FGF12: variants seen among roughly 807,000 people sequenced by gnomAD.
The protein encoded by FGF12 is fibroblast growth factor 12B.
In FGF12, 14 loss-of-function variants were observed where a neutral mutation model predicts 23.6. The ratio of observed to expected loss-of-function variants is 0.59; its 90% CI spans 0.39 to 0.93. FGF12 has a LOEUF of 0.93. FGF12 is among the 40% of genes least tolerant of loss of function. FGF12 has a pLI of 0.00. For synonymous variants in FGF12, 62 were observed against 77.3 expected (o/e 0.80, Z 1.04); for missense variants, 175 against 217.8 (o/e 0.80, Z 1.24).
intron 2 of FGF12, among the ~76,000 whole-genome samples, chr3:192,510,664 A>G (rs2108839204): frequency 6.6e-6 from 1 of 152,346 alleles, no homozygotes; most frequent in South Asian, 2.1e-4. Flanking sequence ...AAAAACATGC[A>G]CAAGGATGTT....
intron 2 of FGF12, among the ~76,000 whole-genome samples, chr3:192,549,120 T>G (rs373248984): frequency 1.5e-4 from 23 of 152,176 alleles, no homozygotes; most frequent in African/African-American, 5.3e-4. Context: ...AATCTGGATT[T>G]TTAAAAATGC....
intron 4 of FGF12, among the ~76,000 whole-genome samples, chr3:192,279,275 A>C (rs1577313927): frequency 7.2e-6 from 1 of 138,120 alleles, no homozygotes; most frequent in Middle Eastern, 3.6e-3. Flanking sequence ...TCCCATAGAG[A>C]ACTTTATTTA....
intron 2 of FGF12, among the ~76,000 whole-genome samples, chr3:192,723,860 T>TGAGAGA (rs201705134): frequency 9.0e-4 from 107 of 119,116 alleles, no homozygotes; most frequent in Middle Eastern, 4.2e-3. Flanking sequence ...TGTGTGTGTG[T>TGAGAGA]GTGAGAGAGA....
chr3:192,474,706 T>C (rs1723268245), intron 2 of FGF12, among the ~76,000 whole-genome samples: 1 of 151,944 alleles, frequency 6.6e-6, no homozygotes, highest in Non-Finnish European at 1.5e-5. Context: ...GCCAACATGG[T>C]GAAACCCTGT....
At chr3:192,651,069 T>A (rs1716198506) in intron 2 of FGF12, among the ~76,000 whole-genome samples, 1 of 152,232 alleles carries the variant, frequency 6.6e-6, no homozygotes, top group Non-Finnish European at 1.5e-5. Flanking sequence ...GTCCTTTGTA[T>A]TCGTAGGCAC....
intron 4 of FGF12, among the ~76,000 whole-genome samples, chr3:192,288,268 C>A (rs555997023): frequency 1.3e-5 from 2 of 152,014 alleles, no homozygotes; most frequent in African/African-American, 2.4e-5. Context: ...ACAGCAGGAA[C>A]AAGAGTGATT....
chr3:192,395,065 T>C (rs1720461913), intron 2 of FGF12, among the ~76,000 whole-genome samples: 1 of 152,216 alleles, frequency 6.6e-6, no homozygotes, highest in African/African-American at 2.4e-5. Flanking sequence ...GCAAAGGTTA[T>C]TCCTCATTAA....
intron 3 of FGF12, among the ~76,000 whole-genome samples, chr3:192,358,340 A>G (rs1418834029): frequency 6.6e-6 from 1 of 151,404 alleles, no homozygotes; most frequent in African/African-American, 2.4e-5. Flanking sequence ...GTACACCTAA[A>G]TGATTTTAAA....
chr3:192,170,390 G>A (rs1715486582), intron 5 of FGF12, 68 bp downstream of exon 5: 4 of 1,350,676 alleles, frequency 3.0e-6, no homozygotes, highest in Admixed American at 1.8e-5. Flanking sequence ...GGACCAAAAG[G>A]GCAAGAAGCA....
intron 2 of FGF12, among the ~76,000 whole-genome samples, chr3:192,564,030 G>C (rs1712157901): frequency 7.2e-6 from 1 of 138,874 alleles, no homozygotes; most frequent in Admixed American, 6.9e-5. Flanking sequence ...ACTATGTGTA[G>C]TTTTTTGTTT....
At chr3:192,716,255 T>C (rs919679325) in intron 2 of FGF12, among the ~76,000 whole-genome samples, 1 of 152,172 alleles carries the variant, frequency 6.6e-6, no homozygotes, top group African/African-American at 2.4e-5. Flanking sequence ...GGAAAACTGG[T>C]CAGAAAGTTG....
intron 2 of FGF12, among the ~76,000 whole-genome samples, chr3:192,596,330 A>T (rs1713853831): frequency 6.6e-6 from 1 of 152,030 alleles, no homozygotes; most frequent in African/African-American, 2.4e-5. Context: ...GAAGGCAAAG[A>T]AATCCTAGTA....
At chr3:192,472,682 C>A (rs1365871664) in intron 2 of FGF12, among the ~76,000 whole-genome samples, 1 of 152,132 alleles carries the variant, frequency 6.6e-6, no homozygotes, top group African/African-American at 2.4e-5. Context: ...GAGTCATTCA[C>A]ACTCTGCTCC....
chr3:192,460,336 G>A (rs1722822995), intron 2 of FGF12, among the ~76,000 whole-genome samples: 1 of 152,126 alleles, frequency 6.6e-6, no homozygotes, highest in Admixed American at 6.6e-5. Context: ...GTAGGAAGAG[G>A]GAGTTTTTTC....
At chr3:192,317,735 T>C (rs1052985752) in intron 4 of FGF12, among the ~76,000 whole-genome samples, 2 of 152,130 alleles carry the variant, frequency 1.3e-5, no homozygotes, top group African/African-American at 2.4e-5. Flanking sequence ...TGAGTGAACA[T>C]AGGTAGTAAC....
At chr3:192,156,550 G>A (rs1322623265) in intron 5 of FGF12, among the ~76,000 whole-genome samples, 2 of 152,092 alleles carry the variant, frequency 1.3e-5, no homozygotes, top group African/African-American at 2.4e-5. Context: ...AGGCCTGCAA[G>A]ATAAATAAAC....
chr3:192,713,360 G>A (rs774732205), intron 2 of FGF12, among the ~76,000 whole-genome samples: 6 of 152,042 alleles, frequency 3.9e-5, no homozygotes, highest in South Asian at 2.1e-4. Context: ...AACAAGAGTC[G>A]AAAGTGATTG....
rs201763476 is a variant in FGF12 at position 192,604,503 on chromosome 3, AC to A, written c.13+122677del. 1.9e-3 allele frequency among the ~76,000 whole-genome samples: 291 copies of A among 152,310 alleles called. 2 individuals are homozygous for A. Among genetic ancestry groups the A allele is most frequent in the African/African-American group, 6.7e-3 (278 of 41,576 alleles). ...CAACAGGAATGCATCCAATCAAGGA[AC>A]TGAAAGATTTCTACAAGGAGAACTA... On this transcript the variant is annotated intron_variant, in intron 2 of 5. Transcript: ENST00000445105.
At chr3:192,518,228 T>A (rs1013902543) in intron 2 of FGF12, among the ~76,000 whole-genome samples, 1 of 152,196 alleles carries the variant, frequency 6.6e-6, no homozygotes, top group Non-Finnish European at 1.5e-5. Context: ...CTTAGACATC[T>A]TGGACAAATT....
Sources: gnomAD v4.1 joint callset for allele counts (sites outside exome capture counted in the v4.1 genomes callset) on GRCh38, gnomAD v4.1.1 for gene constraint, MANE v1.5 for transcripts, NCBI Gene and HGNC (gene_info 2026-07-23, HGNC 2026-07-21) for gene names.